SLC12A1: variants seen among roughly 807,000 people sequenced by gnomAD.
SLC12A1 encodes the protein Na-K-2Cl cotransporter.
SLC12A1 carries 89 observed loss-of-function variants against 130.4 expected under a neutral mutation model. The observed-to-expected ratio is 0.68, with a 90% confidence interval of 0.58 to 0.81. The LOEUF (loss-of-function observed/expected upper bound fraction) is 0.81. Ranked by LOEUF, SLC12A1 falls within the 40% of genes least tolerant of loss-of-function variation. SLC12A1 has a pLI of 0.00. For synonymous variants in SLC12A1, 499 were observed against 460.0 expected (o/e 1.08, Z -1.09); for missense variants, 1,310 against 1,336.4 (o/e 0.98, Z 0.31).
intron 15 of SLC12A1, among the ~76,000 whole-genome samples, chr15:48,252,215 A>G (rs1463361382): frequency 6.6e-6 from 1 of 152,194 alleles, no homozygotes; most frequent in Non-Finnish European, 1.5e-5. Flanking sequence ...AAAAATAAGA[A>G]TAAGAATAAG....
At chr15:48,214,340 G>A (rs2041093134) in intron 2 of SLC12A1, among the ~76,000 whole-genome samples, 1 of 152,164 alleles carries the variant, frequency 6.6e-6, no homozygotes, top group Non-Finnish European at 1.5e-5. Context: ...AAGAAGAGCA[G>A]TAGTTCCCTT....
At chr15:48,236,908 C>A in intron 9 of SLC12A1, 1 of 597,170 alleles carries the variant, frequency 1.7e-6, no homozygotes, top group Non-Finnish European at 3.0e-6. Context: ...TCTTTAGACT[C>A]CTTAAAAACA....
intron 9 of SLC12A1, among the ~76,000 whole-genome samples, chr15:48,236,826 G>A (rs1327416354): frequency 6.6e-6 from 1 of 152,178 alleles, no homozygotes; most frequent in Non-Finnish European, 1.5e-5. Context: ...AGCTCTGGAA[G>A]AGTATCAGAG....
rs2041597564 is a variant in SLC12A1 at position 48,247,580 on chromosome 15, G to A, written c.1684+120G>A. The A allele has an allele frequency of 5.3e-6, 4 of 756,602 alleles. No homozygotes were observed. The Admixed American group carries it at 1.2e-4, about 22-fold the overall frequency. The allele number at this position is 756,602 out of a possible 1,614,324, so 46.9% of individuals were successfully genotyped here. On this transcript the variant is annotated intron_variant, in intron 13 of 26. Coordinates refer to ENST00000380993, the MANE Select transcript of SLC12A1 (RefSeq NM_000338.3). ...GTTTAGGATCCCATTTGGGAATATT[G>A]GCATCTAAGAAGGAAATGAGAAATC... is the stretch of plus-strand genomic sequence containing the variant.
At chr15:48,227,749 C>A in intron 5 of SLC12A1, 1 of 153,006 alleles carries the variant, frequency 6.5e-6, no homozygotes, top group Non-Finnish European at 1.5e-5. Flanking sequence ...TCCTTTGTTC[C>A]CCCTCCCCTT....
chr15:48,304,028 G>A lies in SLC12A1; in HGVS notation c.*1143G>A, dbSNP rs534968030. Reference sequence around the variant, plus strand: ...CATGTTTTGACTGTTCATTCTAACTGAAAACATATATGGGAAAATATGAAC... The same window carrying A: ...CATGTTTTGACTGTTCATTCTAACTAAAAACATATATGGGAAAATATGAAC... On this transcript the variant is annotated 3_prime_UTR_variant, in exon 27 of 27. Transcript: ENST00000380993. The A allele has an allele frequency of 3.3e-5, 5 of 152,178 alleles. No individual in the cohort carries two copies. The highest frequency in any genetic ancestry group is 1.2e-4 in the African/African-American group (5 of 41,534). The allele number at this position is 152,178 out of a possible 1,614,324, so 9.4% of individuals were successfully genotyped here.
At chr15:48,271,717 C>T (rs2041900904) in intron 19 of SLC12A1, among the ~76,000 whole-genome samples, 3 of 152,196 alleles carry the variant, frequency 2.0e-5, no homozygotes, top group African/African-American at 7.2e-5. Context: ...CACGTACTGT[C>T]ATCTGGCTCC....
rs778242795 is a variant in SLC12A1, at chr15:48,232,778, A to T, written c.1027A>T (p.Ile343Phe). ...ILLIAIANFFIGTVIPSNNEK... is the reference protein window; with the variant it reads ...ILLIAIANFFFGTVIPSNNEK... ...TCTAATTGCTATTGCAAACTTCTTC[A>T]TTGGAACTGTCATTCCATCCAACAA... The change falls in exon 8 of 27, where the codon ATT (isoleucine) becomes TTT (phenylalanine). Residue 343 changes from isoleucine (I) to phenylalanine (F), a missense_variant. Transcript: ENST00000380993. 4.3e-6 allele frequency: 7 copies of T among 1,613,528 alleles called. No individual in the cohort carries two copies. The East Asian group carries it at 1.6e-4, about 36-fold the overall frequency.
chr15:48,234,416 G>A (rs2041415212), intron 8 of SLC12A1, among the ~76,000 whole-genome samples: 1 of 152,174 alleles, frequency 6.6e-6, no homozygotes, highest in South Asian at 2.1e-4. Flanking sequence ...CTCCTCAGGA[G>A]TACACCACAT....
intron 5 of SLC12A1, 124 bp downstream of exon 5, chr15:48,226,695 G>A (rs1043128826): frequency 1.5e-6 from 1 of 685,322 alleles, no homozygotes; most frequent in Non-Finnish European, 2.6e-6. Context: ...CTATTTGGAG[G>A]AGCTGGATGC....
Position 48,220,656 on chromosome 15 carries a change from C to T in SLC12A1, c.443C>T (p.Ser148Leu), listed in dbSNP as rs2041200114. ...CAGAATGTGGCAGTCACCCCAAGTT[C>T]AGCTGACAGAGTTGCTAACGGTGAT... ...LAKNVAVTPS[S>L]ADRVANGDGI... Residue 148 changes from serine (S) to leucine (L), a missense_variant, in exon 3 of 27, where the codon TCA becomes TTA. By Grantham distance (145) the Ser-to-Leu change is moderately radical. Transcript: ENST00000380993. 1.2e-6 allele frequency: 2 copies of T among 1,613,300 alleles called. No homozygotes were observed. The highest frequency in any genetic ancestry group is 3.3e-5 in the Admixed American group (2 of 59,934).
chr15:48,275,747 C>T (rs927778664), intron 20 of SLC12A1, among the ~76,000 whole-genome samples: 5 of 151,960 alleles, frequency 3.3e-5, no homozygotes, highest in East Asian at 1.9e-4. Flanking sequence ...AGTAGGAAGC[C>T]GACAATAGTA....
In SLC12A1 at chr15:48,302,938, C is replaced by T. The variant is rs2042252278; in HGVS notation, c.*53C>T. 4 of 1,347,078 alleles carry T rather than the reference C, an allele frequency of 3.0e-6. No homozygotes were observed. Among genetic ancestry groups the T allele is most frequent in the African/African-American group, 2.9e-5 (2 of 69,538 alleles). The allele number at this position is 1,347,078 out of a possible 1,614,324, so 83.4% of individuals were successfully genotyped here. On this transcript the variant is annotated 3_prime_UTR_variant, in exon 27 of 27. Transcript: ENST00000380993. The stretch of plus-strand genomic sequence containing the variant: ...CTTAATGTAATGCATAATTAAGAAA[C>T]ATGTTCCAGTACTTTATGTTGTAAA...
intron 9 of SLC12A1, among the ~76,000 whole-genome samples, chr15:48,239,876 C>A (rs967061430): frequency 6.6e-6 from 1 of 151,672 alleles, no homozygotes; most frequent in Non-Finnish European, 1.5e-5. Context: ...CTCTCTAACT[C>A]CTGACCTCAG....
chr15:48,287,948 A>C lies in SLC12A1; in HGVS notation c.2630-95A>C, dbSNP rs148808390. Reference sequence around the variant, plus strand: ...TAGGTATAATAAACATGAATCTGTGACCTTTTCTCTATTTTCATCACTAGA... The same window carrying C: ...TAGGTATAATAAACATGAATCTGTGCCCTTTTCTCTATTTTCATCACTAGA... On this transcript the variant is annotated intron_variant, in intron 21 of 26. Coordinates refer to ENST00000380993, the MANE Select transcript of SLC12A1 (RefSeq NM_000338.3). 1,097 of 1,338,248 alleles carry C rather than the reference A, an allele frequency of 8.2e-4. 10 individuals are homozygous for C. In the African/African-American group the frequency reaches 0.015, roughly 18 times the overall value. 82.9% of individuals were successfully genotyped at this position (1,338,248 alleles called of 1,614,324 possible). A position where few individuals can be genotyped will look rare whatever the true frequency, so the allele number is the denominator to read the frequency against.
intron 15 of SLC12A1, among the ~76,000 whole-genome samples, chr15:48,253,837 AT>A (rs947798715): frequency 6.6e-5 from 10 of 152,200 alleles, no homozygotes; most frequent in African/African-American, 2.2e-4. Context: ...TTGCCAGATG[AT>A]TTTTTAAAAG....
intron 6 of SLC12A1, 67 bp downstream of exon 6, chr15:48,229,395 A>C (rs1180805757): frequency 7.5e-6 from 11 of 1,457,650 alleles, no homozygotes; most frequent in Non-Finnish European, 9.4e-6. Context: ...TTCTCAGGGC[A>C]CTAAGGGATA....
intron 5 of SLC12A1, chr15:48,226,828 T>A (rs1944370663): frequency 1.7e-6 from 1 of 587,610 alleles, no homozygotes; most frequent in East Asian, 2.8e-5. Context: ...GTAAACTTTT[T>A]CTTTTTCAGG....
intron 17 of SLC12A1, among the ~76,000 whole-genome samples, 165 bp from the exon 18 acceptor site, chr15:48,267,396 C>A (rs2041843847): frequency 6.6e-6 from 1 of 152,170 alleles, no homozygotes; most frequent in Non-Finnish European, 1.5e-5. Context: ...CGCAGGTCAT[C>A]TCCAAAAGGC....
Sources: gnomAD v4.1 joint callset for allele counts (sites outside exome capture counted in the v4.1 genomes callset) on GRCh38, gnomAD v4.1.1 for gene constraint, MANE v1.5 for transcripts, NCBI Gene and HGNC (gene_info 2026-07-23, HGNC 2026-07-21) for gene names.